The following IPCEF1 variants were observed in gnomAD, a reference collection of about 807,000 sequenced individuals.
IPCEF1 encodes interaction protein for cytohesin exchange factors 1.
Under a neutral mutation model 50.9 loss-of-function variants are expected in IPCEF1, and 31 were observed. The observed-to-expected ratio is 0.61, with a 90% CI of 0.46 to 0.82. The LOEUF is 0.82. IPCEF1 is among the 40% of genes least tolerant of loss of function. IPCEF1 has a pLI of 0.00. For synonymous variants in IPCEF1, 181 were observed against 192.0 expected, an observed-to-expected ratio of 0.94 and a Z score of 0.47; for missense variants, 458 against 514.0, an observed-to-expected ratio of 0.89 and a Z score of 1.05.
At chr6:154,322,173 A>G (rs1489777879) in intron 1 of IPCEF1, among the ~76,000 whole-genome samples, 1 of 152,190 alleles carries the variant, frequency 6.6e-6, no homozygotes, top group African/African-American at 2.4e-5. Flanking sequence ...AACAAAAAAC[A>G]AAAAACCTTC....
At chr6:154,213,638 A>G (rs1291402690) in intron 8 of IPCEF1, among the ~76,000 whole-genome samples, 2 of 152,190 alleles carry the variant, frequency 1.3e-5, no homozygotes, top group Non-Finnish European at 1.5e-5. Context: ...CAGAAAGACT[A>G]TGAGTTCAGT....
intron 9 of IPCEF1, among the ~76,000 whole-genome samples, chr6:154,207,422 G>C (rs1034574265): frequency 6.6e-6 from 1 of 152,098 alleles, no homozygotes; most frequent in Non-Finnish European, 1.5e-5. Flanking sequence ...TCCACTTGCA[G>C]TTCTGTTCTT....
At chr6:154,277,811 G>T (rs1443654973) in intron 2 of IPCEF1, among the ~76,000 whole-genome samples, 1 of 151,896 alleles carries the variant, frequency 6.6e-6, no homozygotes, top group African/African-American at 2.4e-5. Context: ...GAGATTTTCC[G>T]CTTGTCTTTG....
chr6:154,322,878 C>T (rs1161637082), intron 1 of IPCEF1, among the ~76,000 whole-genome samples: 3 of 151,870 alleles, frequency 2.0e-5, no homozygotes, highest in Admixed American at 1.3e-4. Flanking sequence ...GGAACCTATA[C>T]TTTAAACGCA....
intron 5 of IPCEF1, among the ~76,000 whole-genome samples, chr6:154,237,875 C>T (rs1429933985): frequency 6.6e-6 from 1 of 151,850 alleles, no homozygotes; most frequent in Non-Finnish European, 1.5e-5. Context: ...TGTGTCAATA[C>T]TTATACATTT....
chr6:154,159,738 G>A lies in IPCEF1; in HGVS notation c.*90C>T. The stretch of plus-strand genomic sequence containing the variant: ...CTGATGCTTGAAGGACTGGGTTTCA[G>A]TTTTCCTTTTAAGGAAAAATGTAAG... On this transcript the variant is annotated 3_prime_UTR_variant, in exon 12 of 12. Transcript: ENST00000367220. The A allele has an allele frequency of 9.9e-7, 1 of 1,012,660 alleles. No individual in the cohort carries two copies. The highest frequency in any genetic ancestry group is 1.5e-5 in the South Asian group (1 of 68,292). The allele number at this position is 1,012,660 out of a possible 1,614,324, so 62.7% of individuals were successfully genotyped here. A position where few individuals can be genotyped will look rare whatever the true frequency, so the allele number is the denominator to read the frequency against.
rs34384205 is a variant in IPCEF1, at chr6:154,355,494, CT to C, written c.-62+1177del. On this transcript the variant is annotated intron_variant, in intron 1 of 11. Coordinates refer to ENST00000367220, the MANE Select transcript of IPCEF1 (RefSeq NM_001130700.2). ...TTCTGTTTCTTTTCTTTCTTTCTTT[CT>C]TTTTTTTTTTTGAGATGAACTCTTG... Among the ~76,000 whole-genome samples, 163 of 68,954 alleles carry C rather than the reference CT, an allele frequency of 2.4e-3. 1 individual carries two copies. In the South Asian group the frequency reaches 0.036, roughly 15 times the overall value. The allele number at this position is 68,954 out of a possible 152,430, so 45.2% of individuals were successfully genotyped here.
chr6:154,256,255 A>G (rs1388518564), intron 3 of IPCEF1, among the ~76,000 whole-genome samples: 17 of 152,114 alleles, frequency 1.1e-4, no homozygotes, highest in Admixed American at 1.1e-3. Context: ...GGAGAAAATC[A>G]TCTCTCTCTG....
At chr6:154,282,672 G>A (rs371345607) in intron 2 of IPCEF1, among the ~76,000 whole-genome samples, 5 of 152,060 alleles carry the variant, frequency 3.3e-5, no homozygotes, top group Non-Finnish European at 7.4e-5. Flanking sequence ...GGGCAAAAGA[G>A]CGAGACTCCG....
intron 1 of IPCEF1, among the ~76,000 whole-genome samples, chr6:154,320,850 G>C (rs966134809): frequency 6.6e-6 from 1 of 151,982 alleles, no homozygotes; most frequent in Non-Finnish European, 1.5e-5. Context: ...TTAAAAAATT[G>C]TGTATATAAT....
intron 10 of IPCEF1, among the ~76,000 whole-genome samples, chr6:154,197,737 A>G (rs994914998): frequency 3.9e-5 from 6 of 151,930 alleles, no homozygotes; most frequent in Non-Finnish European, 8.8e-5. Flanking sequence ...CTAAAAGAAA[A>G]CCCTCAACCT....
intron 10 of IPCEF1, among the ~76,000 whole-genome samples, chr6:154,185,796 A>C (rs977566673): frequency 6.6e-6 from 1 of 152,216 alleles, no homozygotes; most frequent in African/African-American, 2.4e-5. Context: ...ATCACAAAAA[A>C]TTCTCATAAT....
At chr6:154,340,684 G>C (rs572880764) in intron 1 of IPCEF1, among the ~76,000 whole-genome samples, 1 of 151,916 alleles carries the variant, frequency 6.6e-6, no homozygotes, top group Non-Finnish European at 1.5e-5. Flanking sequence ...TTGGGAGTTC[G>C]AGATCAGCCT....
chr6:154,228,544 T>A (rs562674367), intron 5 of IPCEF1, among the ~76,000 whole-genome samples: 2 of 152,352 alleles, frequency 1.3e-5, no homozygotes, highest in East Asian at 3.9e-4. Context: ...CCCATCTAGT[T>A]TTCCCAGCAT....
chr6:154,334,776 C>T (rs78034694), intron 1 of IPCEF1, among the ~76,000 whole-genome samples: 1 of 152,178 alleles, frequency 6.6e-6, no homozygotes, highest in Non-Finnish European at 1.5e-5. Flanking sequence ...GGGTGTATTA[C>T]TATCTGCTCC....
chr6:154,215,263 C>A (rs974100842), intron 7 of IPCEF1, among the ~76,000 whole-genome samples: 1 of 150,860 alleles, frequency 6.6e-6, no homozygotes, highest in Non-Finnish European at 1.5e-5. Context: ...CTTACGCAAC[C>A]CTCAACCTGC....
At chr6:154,243,137 A>G (rs139952058) in intron 5 of IPCEF1, among the ~76,000 whole-genome samples, 3 of 152,338 alleles carry the variant, frequency 2.0e-5, no homozygotes, top group Non-Finnish European at 4.4e-5. Flanking sequence ...AGGAATTGAA[A>G]GAAGTGCCAT....
chr6:154,308,310 G>GT (rs1189400434), intron 1 of IPCEF1, among the ~76,000 whole-genome samples: 14 of 151,570 alleles, frequency 9.2e-5, no homozygotes, highest in Non-Finnish European at 7.4e-5. Flanking sequence ...GAGATGTTTT[G>GT]TTTTTTTTCG....
chr6:154,160,180 G>A, intron 11 of IPCEF1, 140 bp from the exon 12 acceptor site: 1 of 683,380 alleles, frequency 1.5e-6, no homozygotes, highest in Non-Finnish European at 2.5e-6. Context: ...TCTAATTCCA[G>A]CATTAAGCTT....
Sources: allele counts gnomAD v4.1 joint callset (sites outside exome capture counted in the v4.1 genomes callset), GRCh38; gene constraint gnomAD v4.1.1; transcripts MANE v1.5; gene names NCBI Gene and HGNC (gene_info 2026-07-23, HGNC 2026-07-21).